MBP: variants seen among roughly 807,000 people sequenced by gnomAD.
The protein encoded by MBP is myelin basic protein, also known as Golli-MBP.
In MBP, 16 loss-of-function variants were observed where a neutral mutation model predicts 35.8. The observed-to-expected ratio is 0.45, with a 90% CI of 0.30 to 0.68. The LOEUF (loss-of-function observed/expected upper bound fraction) is 0.68. Among genes scored for constraint, MBP ranks in the 30% least tolerant of loss-of-function variants. MBP has a pLI of 0.08. For missense variants in MBP, 380 were observed against 404.7 expected, an observed-to-expected ratio of 0.94 and a Z score of 0.52; for synonymous variants, 143 against 159.6, an observed-to-expected ratio of 0.90 and a Z score of 0.78.
At chr18:76,992,519 T>C (rs1969992997) in intron 4 of MBP, among the ~76,000 whole-genome samples, 4 of 152,280 alleles carry the variant, frequency 2.6e-5, no homozygotes, top group Middle Eastern at 3.4e-3. Context: ...CCCAGACTAC[T>C]AACAGCTCCC....
intron 1 of MBP, among the ~76,000 whole-genome samples, chr18:77,122,631 C>T (rs1382665964): frequency 1.3e-5 from 2 of 152,240 alleles, no homozygotes; most frequent in Non-Finnish European, 2.9e-5. Flanking sequence ...CAACCTCCGC[C>T]TCCCGGGTTC....
intron 3 of MBP, among the ~76,000 whole-genome samples, chr18:77,050,491 C>T (rs1234398123): frequency 6.6e-6 from 1 of 152,196 alleles, no homozygotes; most frequent in Non-Finnish European, 1.5e-5. Context: ...GTTCCTTCTT[C>T]ATTGCCATAA....
chr18:77,101,651 A>G lies in MBP; in HGVS notation c.51+3560T>C, dbSNP rs377758549. Among the ~76,000 whole-genome samples the G allele has an allele frequency of 1.8e-3, 275 of 152,312 alleles. 4 individuals carry two copies. Among genetic ancestry groups the G allele is most frequent in the Middle Eastern group, 0.017 (5 of 294 alleles). ...AGTGGACTAACACTGCAACTCCAGA[A>G]AAGTGTCTTTTTTTCACCAATCAGA... On this transcript the variant is annotated intron_variant, in intron 2 of 8. Coordinates refer to ENST00000355994, the MANE Select transcript of MBP (RefSeq NM_001025101.2). This position sits in a 1 kb window ranked among gnomAD's most constrained non-coding sequence, Gnocchi z 4.3.
At chr18:77,060,468 T>A (rs79710367) in intron 3 of MBP, among the ~76,000 whole-genome samples, 21 of 132,986 alleles carry the variant, frequency 1.6e-4, no homozygotes, top group African/African-American at 4.1e-4. Context: ...TTTTTTTTTT[T>A]ATGAGGCGGA....
intron 4 of MBP, 129 bp from the exon 5 acceptor site, chr18:76,990,189 T>C: frequency 3.3e-6 from 2 of 611,172 alleles, no homozygotes; most frequent in Non-Finnish European, 5.9e-6. Flanking sequence ...AGGAATACTT[T>C]ATTAAGGACT....
intron 4 of MBP, among the ~76,000 whole-genome samples, chr18:76,998,977 TA>T (rs1970482511): frequency 7.4e-6 from 1 of 135,500 alleles, no homozygotes; most frequent in Non-Finnish European, 1.6e-5. Flanking sequence ...TTGGGGGGTT[TA>T]AGAGCAGTGT....
rs1969660306 is a variant in MBP at position 76,988,079 on chromosome 18, A to C, written c.750+416T>G. 1 of 1,460,804 alleles carries C rather than the reference A, an allele frequency of 6.8e-7. No individual in the cohort carries two copies. Among genetic ancestry groups the C allele is most frequent in the Non-Finnish European group, 9.0e-7 (1 of 1,108,736 alleles). 90.5% of individuals were successfully genotyped at this position (1,460,804 alleles called of 1,614,324 possible). A position where few individuals can be genotyped will look rare whatever the true frequency, so the allele number is the denominator to read the frequency against. On this transcript the variant is annotated intron_variant, in intron 7 of 8. Coordinates refer to ENST00000355994, the MANE Select transcript of MBP (RefSeq NM_001025101.2). The surrounding 1 kb of genome is among the most constrained non-coding windows in gnomAD (Gnocchi z 5.2). ...TCAGCAGAATCATTTTCCCAGTGTC[A>C]GCATCTGGGGTCACTGAGACGGGCC...
At chr18:77,043,071 C>T (rs536453616) in intron 3 of MBP, among the ~76,000 whole-genome samples, 3 of 152,294 alleles carry the variant, frequency 2.0e-5, no homozygotes, top group South Asian at 2.1e-4. Context: ...CTAACATTAA[C>T]GTTTTGAGAA....
intron 7 of MBP, chr18:76,985,330 C>A (rs866607366): frequency 1.6e-6 from 2 of 1,290,120 alleles, no homozygotes; most frequent in Non-Finnish European, 2.0e-6. Context: ...AGGTGCCGGT[C>A]CCCGGAGGCC....
chr18:76,983,428 T>A (rs920651928), intron 8 of MBP: 3 of 152,330 alleles, frequency 2.0e-5, no homozygotes, highest in African/African-American at 7.2e-5. Context: ...CCGTCCTGAC[T>A]GCAGTGCTGG....
chr18:76,992,994 A>G (rs1302521836), intron 4 of MBP, among the ~76,000 whole-genome samples: 1 of 152,186 alleles, frequency 6.6e-6, no homozygotes, highest in African/African-American at 2.4e-5. Flanking sequence ...CGCAGGGCCC[A>G]GGGCAAAGGC....
At chr18:77,103,133 C>A (rs1462335753) in intron 2 of MBP, among the ~76,000 whole-genome samples, 1 of 152,202 alleles carries the variant, frequency 6.6e-6, no homozygotes, top group African/African-American at 2.4e-5. Flanking sequence ...GTCACCTACT[C>A]GCCTTCCATG....
intron 3 of MBP, among the ~76,000 whole-genome samples, chr18:77,046,402 G>A (rs539892696): frequency 1.3e-5 from 2 of 152,326 alleles, no homozygotes; most frequent in South Asian, 2.1e-4. Flanking sequence ...CTTGCTCCCC[G>A]GAAGGGAAAT....
intron 1 of MBP, among the ~76,000 whole-genome samples, chr18:77,130,139 C>G (rs1977192637): frequency 1.3e-5 from 2 of 151,582 alleles, no homozygotes; most frequent in South Asian, 4.2e-4. Context: ...AGATGATGAA[C>G]AAAGACGGAT....
intron 3 of MBP, among the ~76,000 whole-genome samples, chr18:77,029,238 G>C (rs1315446588): frequency 2.7e-5 from 4 of 146,282 alleles, no homozygotes; most frequent in East Asian, 4.0e-4. Context: ...GCGAAACCCC[G>C]GCTCCACCAA....
chr18:77,128,675 G>T (rs189465339), intron 1 of MBP, among the ~76,000 whole-genome samples: 24 of 152,328 alleles, frequency 1.6e-4, no homozygotes, highest in African/African-American at 5.8e-4. Flanking sequence ...AGATGTTATT[G>T]TTGGGAGAAA....
chr18:77,013,083 G>A (rs1007877237), intron 4 of MBP: 39 of 985,290 alleles, frequency 4.0e-5, no homozygotes, highest in Non-Finnish European at 4.6e-5. Flanking sequence ...GGTAGCCTCC[G>A]ATCAATAACT....
At chr18:76,983,846 A>T (rs1252453800) in intron 8 of MBP, 1 of 152,296 alleles carries the variant, frequency 6.6e-6, no homozygotes, top group Non-Finnish European at 1.5e-5. Context: ...CACACCACAC[A>T]TCCAGACTCA....
Position 76,988,184 on chromosome 18 carries a change from C to T in MBP, c.750+311G>A, listed in dbSNP as rs770772185. The T allele has an allele frequency of 9.1e-6, 14 of 1,544,154 alleles. No individual in the cohort carries two copies. Among genetic ancestry groups the T allele is most frequent in the East Asian group, 2.4e-5 (1 of 40,902 alleles). On this transcript the variant is annotated intron_variant, in intron 7 of 8. Transcript: ENST00000355994. This position sits in a 1 kb window ranked among gnomAD's most constrained non-coding sequence, Gnocchi z 5.2. The stretch of plus-strand genomic sequence containing the variant: ...GGAGGAAGTTAAACATTTTCTCGGA[C>T]GTGGTGTTGCTCCCTCCCTGGGAGG...
Sources: gnomAD v4.1 joint callset for allele counts (sites outside exome capture counted in the v4.1 genomes callset) on GRCh38, gnomAD v4.1.1 for gene constraint, Gnocchi (gnomAD v3.1) non-coding constraint, MANE v1.5 for transcripts, NCBI Gene and HGNC (gene_info 2026-07-23, HGNC 2026-07-21) for gene names.